CACNA2D1: variants seen among roughly 807,000 people sequenced by gnomAD.
CACNA2D1 encodes voltage-dependent calcium channel subunit alpha-2/delta-1.
Under a neutral mutation model 171.5 loss-of-function variants are expected in CACNA2D1, and 53 were observed. That is an observed-to-expected ratio of 0.31 (90% CI 0.25 to 0.39). The LOEUF is 0.39. Among genes scored for constraint, CACNA2D1 ranks in the 10% least tolerant of loss-of-function variants. CACNA2D1 has a pLI of 1.00. For synonymous variants in CACNA2D1, 442 were observed against 443.1 expected (o/e 1.00, Z 0.03); for missense variants, 903 against 1,299.8 (o/e 0.69, Z 4.69).
At chr7:82,026,041 G>A (rs909256142) in intron 12 of CACNA2D1, among the ~76,000 whole-genome samples, 46 of 146,204 alleles carry the variant, frequency 3.1e-4, no homozygotes, top group African/African-American at 8.5e-4. Context: ...TCTTTGTCTC[G>A]TGTCAGTTTT....
At chr7:82,047,492 C>A (rs1804685847) in intron 10 of CACNA2D1, among the ~76,000 whole-genome samples, 1 of 152,104 alleles carries the variant, frequency 6.6e-6, no homozygotes, top group Non-Finnish European at 1.5e-5. Context: ...GTTTGTAGAG[C>A]AGAGATACTA....
chr7:82,044,332 C>T (rs894488475), intron 10 of CACNA2D1, among the ~76,000 whole-genome samples: 1 of 152,106 alleles, frequency 6.6e-6, no homozygotes, highest in Non-Finnish European at 1.5e-5. Context: ...AAATAGGACA[C>T]AACTATAGTT....
chr7:82,347,844 C>G (rs1488429795), intron 2 of CACNA2D1, among the ~76,000 whole-genome samples: 17 of 150,902 alleles, frequency 1.1e-4, no homozygotes, highest in Admixed American at 1.1e-3. Flanking sequence ...TTAATTCAGT[C>G]ATTGATTAAT....
At chr7:82,010,102 A>G in intron 15 of CACNA2D1, among the ~76,000 whole-genome samples, 1 of 152,034 alleles carries the variant, frequency 6.6e-6, no homozygotes. Context: ...AAATGTCTCC[A>G]TTTTCTTAAC....
chr7:82,271,474 C>T (rs1197069939), intron 3 of CACNA2D1, among the ~76,000 whole-genome samples: 3 of 152,046 alleles, frequency 2.0e-5, no homozygotes, highest in Non-Finnish European at 4.4e-5. Flanking sequence ...CTACCATCCA[C>T]AAATGAACCC....
At chr7:81,997,331 T>C (rs2130798750) in intron 18 of CACNA2D1, 81 bp from the exon 19 acceptor site, 1 of 923,174 alleles carries the variant, frequency 1.1e-6, no homozygotes, top group East Asian at 2.5e-5. Flanking sequence ...CGGGTATTTA[T>C]GAAATTGTGC....
At chr7:82,361,377 C>G (rs1821061695) in intron 1 of CACNA2D1, among the ~76,000 whole-genome samples, 1 of 152,144 alleles carries the variant, frequency 6.6e-6, no homozygotes, top group Non-Finnish European at 1.5e-5. Flanking sequence ...CAATTTTGAG[C>G]ACTATCCAAT....
intron 1 of CACNA2D1, among the ~76,000 whole-genome samples, chr7:82,381,678 T>G (rs1228192050): frequency 1.3e-5 from 2 of 148,278 alleles, no homozygotes; most frequent in Non-Finnish European, 3.0e-5. Flanking sequence ...TTTCTCATCT[T>G]AAGCACCAGG....
At chr7:82,352,403 G>A (rs755878533) in intron 1 of CACNA2D1, among the ~76,000 whole-genome samples, 8 of 152,018 alleles carry the variant, frequency 5.3e-5, no homozygotes, top group Admixed American at 2.0e-4. Flanking sequence ...ATATGTAATC[G>A]CTAAGCACTG....
chr7:81,996,688 ACT>A (rs1269120011), intron 19 of CACNA2D1, among the ~76,000 whole-genome samples: 2 of 150,938 alleles, frequency 1.3e-5, no homozygotes, highest in East Asian at 1.9e-4. Context: ...TTAATATAAT[ACT>A]CTCATTATTA....
intron 38 of CACNA2D1, among the ~76,000 whole-genome samples, chr7:81,957,379 C>A (rs901860868): frequency 6.6e-6 from 1 of 151,912 alleles, no homozygotes; most frequent in Admixed American, 6.6e-5. Flanking sequence ...ACATTAATAT[C>A]GCAGATTTAG....
intron 10 of CACNA2D1, among the ~76,000 whole-genome samples, chr7:82,054,849 T>G (rs1218014529): frequency 1.3e-5 from 2 of 152,176 alleles, no homozygotes; most frequent in Non-Finnish European, 2.9e-5. Context: ...AAAATACTGA[T>G]TAATGGGGAT....
At chr7:82,275,177 A>C (rs62463015) in intron 3 of CACNA2D1, among the ~76,000 whole-genome samples, 110,011 of 151,984 alleles carry the variant, frequency 0.72, 40,784 homozygotes, top group African/African-American at 0.88. Flanking sequence ...TTTATCACTT[A>C]AATTTATTAG....
Position 82,150,325 on chromosome 7 carries a change from T to C in CACNA2D1, c.355-13649A>G, listed in dbSNP as rs28391432. On this transcript the variant is annotated intron_variant, in intron 4 of 38. Transcript: ENST00000356860. ...TAGCTGGGTTCATCTACTTTTTTTT[T>C]CCCCCCAGTAAGCCATTATTTTGCT... 8.2e-3 allele frequency among the ~76,000 whole-genome samples: 1,166 copies of C among 142,374 alleles called. 25 individuals carry two copies. Among genetic ancestry groups the C allele is most frequent in the East Asian group, 0.033 (162 of 4,934 alleles). The allele number at this position is 142,374 out of a possible 152,430, so 93.4% of individuals were successfully genotyped here. A position where few individuals can be genotyped will look rare whatever the true frequency, so the allele number is the denominator to read the frequency against.
At chr7:82,083,652 A>T (rs1406927681) in intron 7 of CACNA2D1, among the ~76,000 whole-genome samples, 1 of 152,132 alleles carries the variant, frequency 6.6e-6, no homozygotes, top group Admixed American at 6.5e-5. Flanking sequence ...ATTTAAATCA[A>T]ACTTGGCTTT....
intron 3 of CACNA2D1, among the ~76,000 whole-genome samples, chr7:82,243,754 T>C (rs1170610072): frequency 1.3e-5 from 2 of 152,204 alleles, no homozygotes; most frequent in Non-Finnish European, 2.9e-5. Flanking sequence ...ACATGTAGTT[T>C]TCTTACTACA....
In CACNA2D1 at chr7:81,950,010, T is replaced by C. The variant is rs1392132374; in HGVS notation, c.*382A>G. ...TCTTTCCCCTTAGAGATTTTCTTAG[T>C]AAAATTGCAGCAAGTCAAAATTCCA... On this transcript the variant is annotated 3_prime_UTR_variant, in exon 39 of 39. Coordinates refer to ENST00000356860, the MANE Select transcript of CACNA2D1 (RefSeq NM_000722.4). The C allele has an allele frequency of 5.5e-6, 1 of 181,432 alleles. No individual in the cohort carries two copies. Among genetic ancestry groups the C allele is most frequent in the Non-Finnish European group, 1.2e-5 (1 of 86,576 alleles). 11.2% of individuals were successfully genotyped at this position (181,432 alleles called of 1,614,324 possible).
chr7:82,343,925 A>G (rs933876300), intron 2 of CACNA2D1, among the ~76,000 whole-genome samples: 1 of 152,226 alleles, frequency 6.6e-6, no homozygotes, highest in African/African-American at 2.4e-5. Context: ...TAATTTGCCC[A>G]TAACTGTCAT....
At chr7:82,178,128 T>C (rs1176023785) in intron 3 of CACNA2D1, among the ~76,000 whole-genome samples, 1 of 152,170 alleles carries the variant, frequency 6.6e-6, no homozygotes, top group African/African-American at 2.4e-5. Context: ...AAGCCAGTCA[T>C]TTATTTTTCG....
Sources: gnomAD v4.1 joint callset for allele counts (sites outside exome capture counted in the v4.1 genomes callset) on GRCh38, gnomAD v4.1.1 for gene constraint, MANE v1.5 for transcripts, NCBI Gene and HGNC (gene_info 2026-07-23, HGNC 2026-07-21) for gene names.